The following OGDH variants were observed in gnomAD, a reference collection of about 807,000 sequenced individuals.
OGDH encodes oxoglutarate dehydrogenase, also known as 2-oxoglutarate dehydrogenase complex component E1.
A neutral mutation model predicts 116.6 loss-of-function variants in OGDH; 38 were observed. The observed-to-expected ratio is 0.33, with a 90% confidence interval of 0.25 to 0.43. The LOEUF is 0.43. Among genes scored for constraint, OGDH ranks in the 20% least tolerant of loss-of-function variants. OGDH has a pLI of 1.00. For missense variants in OGDH, 825 were observed against 1,357.2 expected (o/e 0.61, Z 6.16); for synonymous variants, 488 against 533.3 (o/e 0.92, Z 1.17).
intron 4 of OGDH, among the ~76,000 whole-genome samples, chr7:44,651,390 A>G (rs1358943170): frequency 6.6e-6 from 1 of 152,218 alleles, no homozygotes; most frequent in Admixed American, 6.5e-5. Flanking sequence ...GACTCTTACC[A>G]GTTAGGAGAG....
intron 1 of OGDH, among the ~76,000 whole-genome samples, chr7:44,616,449 T>G (rs1784772244): frequency 2.0e-5 from 3 of 152,036 alleles, no homozygotes; most frequent in African/African-American, 7.2e-5. Context: ...CCATGATTGG[T>G]GAGCTAAATA....
At chr7:44,607,302 AG>A (rs1784392090) in intron 1 of OGDH, among the ~76,000 whole-genome samples, 1 of 152,232 alleles carries the variant, frequency 6.6e-6, no homozygotes, top group African/African-American at 2.4e-5. Context: ...ACATCTTTCA[AG>A]CACCATTTTC....
chr7:44,617,373 G>C (rs1784846712), intron 1 of OGDH, among the ~76,000 whole-genome samples: 1 of 152,052 alleles, frequency 6.6e-6, no homozygotes, highest in Non-Finnish European at 1.5e-5. Flanking sequence ...CAGTGACTTG[G>C]TGTCACGTGG....
At position 44,695,572 on chromosome 7, in the gene OGDH, A is replaced by G. The variant is rs377237184; in HGVS notation, c.1669-453A>G. Among the ~76,000 whole-genome samples the G allele has an allele frequency of 5.3e-5, 8 of 152,128 alleles. No individual in the cohort carries two copies. In the East Asian group the frequency reaches 1.6e-3, roughly 30 times the overall value. ...ACAAAAATTTGCTGGGCGTGGTGGC[A>G]CGCACTTGTAGTCCCAGCTACTCAG... On this transcript the variant is annotated intron_variant, in intron 12 of 22. Coordinates refer to ENST00000222673, the MANE Select transcript of OGDH (RefSeq NM_002541.4).
intron 5 of OGDH, among the ~76,000 whole-genome samples, chr7:44,672,400 A>G (rs1476359927): frequency 6.6e-6 from 1 of 152,106 alleles, no homozygotes; most frequent in Non-Finnish European, 1.5e-5. Flanking sequence ...GCTGAGCAGG[A>G]CCTAACACTC....
In OGDH at chr7:44,697,300, G is replaced by A. The variant is rs919162840; in HGVS notation, c.2052-70G>A. ...AGAGCATGGCATCTGCTGGTGCTTC[G>A]TGCGGGTCCCCAGCGTATTTGCTTG... On this transcript the variant is annotated intron_variant, in intron 15 of 22. Transcript: ENST00000222673. The surrounding 1 kb of genome is among the most constrained non-coding windows in gnomAD (Gnocchi z 6.0). 14 of 1,595,582 alleles carry A rather than the reference G, an allele frequency of 8.8e-6. No individual in the cohort carries two copies. Among genetic ancestry groups the A allele is most frequent in the African/African-American group, 2.7e-5 (2 of 74,610 alleles).
At position 44,678,231 on chromosome 7, in the gene OGDH, C is replaced by T. The variant is rs139342000; in HGVS notation, c.1206+2082C>T. Among the ~76,000 whole-genome samples the T allele has an allele frequency of 2.6e-3, 391 of 152,176 alleles. 1 individual carries two copies. Among genetic ancestry groups the T allele is most frequent in the Non-Finnish European group, 4.1e-3 (282 of 68,004 alleles). On this transcript the variant is annotated intron_variant, in intron 9 of 22. Transcript: ENST00000222673. ...GGGATGGCCTGGGCTAAGGTGAGAT[C>T]GGCATGGGGAGATCAGCATTGTGAT... is the stretch of plus-strand genomic sequence containing the variant.
At chr7:44,644,449 A>G (rs756428210) in intron 2 of OGDH, among the ~76,000 whole-genome samples, 3 of 152,274 alleles carry the variant, frequency 2.0e-5, no homozygotes, top group Non-Finnish European at 2.9e-5. Flanking sequence ...ATTCAAACTG[A>G]TAACTAACAC....
At chr7:44,668,294 G>A (rs1787274187) in intron 5 of OGDH, among the ~76,000 whole-genome samples, 1 of 152,104 alleles carries the variant, frequency 6.6e-6, no homozygotes, top group African/African-American at 2.4e-5. Flanking sequence ...AAAATTAGCG[G>A]GGTGTGATGG....
chr7:44,617,304 CATT>C, intron 1 of OGDH, among the ~76,000 whole-genome samples: 1 of 152,066 alleles, frequency 6.6e-6, no homozygotes, highest in South Asian at 2.1e-4. Flanking sequence ...TACAAAAAGA[CATT>C]ATGAGGGGGT....
chr7:44,617,179 C>A (rs1240967496), intron 1 of OGDH, among the ~76,000 whole-genome samples: 1 of 151,734 alleles, frequency 6.6e-6, no homozygotes, highest in Non-Finnish European at 1.5e-5. Context: ...GTGATCCACC[C>A]ACCTCGACCT....
At chr7:44,607,154 C>T (rs1784386325) in intron 1 of OGDH, among the ~76,000 whole-genome samples, 1 of 152,218 alleles carries the variant, frequency 6.6e-6, no homozygotes, top group Non-Finnish European at 1.5e-5. Context: ...CGAGTTGCGT[C>T]GGAGCATCTG....
Position 44,673,944 on chromosome 7 carries a change from A to G in OGDH, c.788+3A>G. 1 of 1,614,152 alleles carries G rather than the reference A, an allele frequency of 6.2e-7. No homozygotes were observed. The highest frequency in any genetic ancestry group is 8.5e-7 in the Non-Finnish European group (1 of 1,180,014). Reference sequence around the variant, plus strand: ...GCCAGGCTTGTGCGGTCCACCAGGTATGGGTCTGGCCCTGGGCCATGGGGC... The same window carrying G: ...GCCAGGCTTGTGCGGTCCACCAGGTGTGGGTCTGGCCCTGGGCCATGGGGC... On this transcript the variant is annotated splice_donor_region_variant and intron_variant, in intron 6 of 22. Coordinates refer to ENST00000222673, the MANE Select transcript of OGDH (RefSeq NM_002541.4).
intron 10 of OGDH, among the ~76,000 whole-genome samples, chr7:44,687,658 A>C (rs1040663379): frequency 3.9e-5 from 6 of 151,926 alleles, no homozygotes; most frequent in African/African-American, 1.5e-4. Flanking sequence ...CCTGAGTTCA[A>C]GTGATCCACC....
chr7:44,684,402 C>T (rs1437086828), intron 10 of OGDH, among the ~76,000 whole-genome samples: 1 of 152,148 alleles, frequency 6.6e-6, no homozygotes, highest in Non-Finnish European at 1.5e-5. Context: ...AGTAAATATG[C>T]TCACTAAGTA....
chr7:44,639,572 T>C (rs1342229106), intron 2 of OGDH, among the ~76,000 whole-genome samples: 2 of 152,248 alleles, frequency 1.3e-5, no homozygotes, highest in African/African-American at 4.8e-5. Context: ...AAGTGTTTAG[T>C]GCAGTAGGTT....
At chr7:44,611,804 G>T (rs1585208751) in intron 1 of OGDH, among the ~76,000 whole-genome samples, 1 of 150,070 alleles carries the variant, frequency 6.7e-6, no homozygotes. Flanking sequence ...TCACTTTATG[G>T]TACTTTTTGA....
In OGDH at chr7:44,614,303, G is replaced by GT. The variant is rs1223054626; in HGVS notation, c.-28+7658dup. ...TGCCTTCAAGGTTTTGGTTTTTTTT[G>GT]TTTTTTTTGTTTGTTTGTTTTTTGT... On this transcript the variant is annotated intron_variant, in intron 1 of 22. Coordinates refer to ENST00000222673, the MANE Select transcript of OGDH (RefSeq NM_002541.4). Among the ~76,000 whole-genome samples the GT allele has an allele frequency of 2.8e-3, 316 of 112,648 alleles. 1 individual carries two copies. Among genetic ancestry groups the GT allele is most frequent in the Non-Finnish European group, 3.6e-3 (190 of 52,816 alleles). 73.9% of individuals were successfully genotyped at this position (112,648 alleles called of 152,430 possible).
intron 2 of OGDH, among the ~76,000 whole-genome samples, chr7:44,630,449 G>A (rs1215716925): frequency 6.6e-6 from 1 of 152,214 alleles, no homozygotes; most frequent in Non-Finnish European, 1.5e-5. Flanking sequence ...ATTTATTTCT[G>A]GGAATAATTC....
Sources: gnomAD v4.1 joint callset for allele counts (sites outside exome capture counted in the v4.1 genomes callset) on GRCh38, gnomAD v4.1.1 for gene constraint, Gnocchi (gnomAD v3.1) non-coding constraint, MANE v1.5 for transcripts, NCBI Gene and HGNC (gene_info 2026-07-23, HGNC 2026-07-21) for gene names.